PACSIN2: variants seen among roughly 807,000 people sequenced by gnomAD.
PACSIN2 encodes protein kinase C and casein kinase substrate in neurons 2, also known as protein kinase C and casein kinase substrate in neurons protein 2.
PACSIN2 carries 25 observed loss-of-function variants against 63.8 expected under a neutral mutation model. The observed-to-expected ratio is 0.39, with a 90% CI of 0.29 to 0.55. PACSIN2 has a LOEUF of 0.55. Ranked by LOEUF, PACSIN2 falls within the 20% of genes least tolerant of loss-of-function variation. The pLI is 0.62. For missense variants in PACSIN2, 518 were observed against 646.9 expected (o/e 0.80, Z 2.16); for synonymous variants, 255 against 256.2 (o/e 1.00, Z 0.05).
At chr22:42,952,306 AATTT>A (rs968202800) in intron 1 of PACSIN2, among the ~76,000 whole-genome samples, 10 of 152,026 alleles carry the variant, frequency 6.6e-5, no homozygotes, top group East Asian at 1.9e-4. Flanking sequence ...CTGTTGAAGA[AATTT>A]ATTTATTTAT....
chr22:43,009,702 G>C (rs1924326947), intron 1 of PACSIN2, among the ~76,000 whole-genome samples: 1 of 152,066 alleles, frequency 6.6e-6, no homozygotes, highest in Non-Finnish European at 1.5e-5. Context: ...TCATATTCTT[G>C]GGAGGAAAAA....
intron 1 of PACSIN2, among the ~76,000 whole-genome samples, chr22:42,984,234 A>G (rs955506719): frequency 1.3e-5 from 2 of 152,072 alleles, no homozygotes; most frequent in Non-Finnish European, 1.5e-5. Context: ...AGCCTCCCAC[A>G]GTGCTGGGAT....
chr22:42,979,743 T>C (rs1035508078), intron 1 of PACSIN2, among the ~76,000 whole-genome samples: 5 of 152,144 alleles, frequency 3.3e-5, no homozygotes, highest in South Asian at 2.1e-4. Flanking sequence ...AACACAGACA[T>C]TGCCTCCTCT....
chr22:42,974,409 A>G (rs1057166305), intron 1 of PACSIN2, among the ~76,000 whole-genome samples: 5 of 152,068 alleles, frequency 3.3e-5, no homozygotes, highest in African/African-American at 7.2e-5. Flanking sequence ...CATTCCCTCA[A>G]TGCTCCTGGT....
intron 1 of PACSIN2, among the ~76,000 whole-genome samples, chr22:42,980,022 G>C (rs1921973161): frequency 6.7e-6 from 1 of 149,388 alleles, no homozygotes; most frequent in Admixed American, 6.6e-5. Flanking sequence ...GCGCATCATT[G>C]TTTCCATTAA....
rs567195732 is a variant in PACSIN2, at chr22:42,876,935, G to A, written c.1104C>T (p.Asp368=). The A allele has an allele frequency of 8.1e-5, 130 of 1,614,140 alleles. No individual in the cohort carries two copies. In the South Asian group the frequency reaches 8.9e-4, roughly 11 times the overall value. ...TCTCACTGACGGTGCTGCCCGTGTC[G>A]TCCTCATCCTCGAAGGGGTTGTAGC... ...QSSYNPFEDE[D]DTGSTVSEKD... is the part of the protein sequence containing the mutation. Residue 368 remains aspartate (D), a synonymous_variant, in exon 9 of 11, where the codon GAC becomes GAT. Coordinates refer to ENST00000263246, the MANE Select transcript of PACSIN2 (RefSeq NM_001184970.3).
At chr22:42,992,112 T>G (rs1601611171) in intron 1 of PACSIN2, among the ~76,000 whole-genome samples, 1 of 152,224 alleles carries the variant, frequency 6.6e-6, no homozygotes, top group East Asian at 1.9e-4. Context: ...ATTATGTAAT[T>G]GATCAAGGAA....
chr22:43,010,014 C>T (rs1375848830), intron 1 of PACSIN2, among the ~76,000 whole-genome samples: 5 of 151,250 alleles, frequency 3.3e-5, no homozygotes, highest in African/African-American at 9.7e-5. Flanking sequence ...AGATTATAGG[C>T]GCACGCCACC....
intron 1 of PACSIN2, among the ~76,000 whole-genome samples, chr22:43,014,362 ACACCACCCCCCCC>A (rs1300256242): frequency 0.011 from 126 of 11,402 alleles, 3 homozygotes; most frequent in African/African-American, 0.057. Flanking sequence ...AGACACACAC[ACACCACCCCCCCC>A]CCCCCGGGAC....
intron 1 of PACSIN2, among the ~76,000 whole-genome samples, chr22:42,993,085 A>G (rs1923155418): frequency 6.6e-6 from 1 of 151,990 alleles, no homozygotes; most frequent in Admixed American, 6.6e-5. Flanking sequence ...GAAGCAGGAG[A>G]ATCACTTCAA....
At chr22:42,960,839 T>C (rs1331043394) in intron 1 of PACSIN2, among the ~76,000 whole-genome samples, 2 of 152,222 alleles carry the variant, frequency 1.3e-5, no homozygotes, top group Middle Eastern at 3.2e-3. Flanking sequence ...ACTTTAGGTA[T>C]GCATATTATT....
At chr22:42,933,086 C>T (rs896253221) in intron 1 of PACSIN2, among the ~76,000 whole-genome samples, 1 of 152,192 alleles carries the variant, frequency 6.6e-6, no homozygotes, top group Non-Finnish European at 1.5e-5. Flanking sequence ...AAGCCAAGTT[C>T]CCATAATTAA....
intron 1 of PACSIN2, among the ~76,000 whole-genome samples, chr22:42,959,102 G>A (rs533684248): frequency 5.3e-5 from 8 of 152,198 alleles, no homozygotes; most frequent in Non-Finnish European, 1.2e-4. Context: ...CAGCTGGGAT[G>A]AGAAATGAGA....
At chr22:42,980,010 A>G (rs137925469) in intron 1 of PACSIN2, among the ~76,000 whole-genome samples, 247 of 152,244 alleles carry the variant, frequency 1.6e-3, no homozygotes, top group African/African-American at 5.5e-3. Flanking sequence ...CCTATGAAAT[A>G]AGCGCATCAT....
At chr22:42,876,812 G>A in intron 9 of PACSIN2, 76 bp downstream of exon 9, 2 of 1,575,492 alleles carry the variant, frequency 1.3e-6, no homozygotes, top group Admixed American at 1.7e-5. Flanking sequence ...GCCGAGGGGT[G>A]AGACCCCTGG....
chr22:42,974,745 T>C (rs1396161307), intron 1 of PACSIN2, among the ~76,000 whole-genome samples: 3 of 123,022 alleles, frequency 2.4e-5, no homozygotes, highest in East Asian at 4.4e-4. Context: ...TGAGATCTTG[T>C]CTCAAAAAAA....
intron 1 of PACSIN2, among the ~76,000 whole-genome samples, chr22:42,972,536 A>ACC (rs1035032064): frequency 5.3e-5 from 8 of 152,012 alleles, no homozygotes; most frequent in Admixed American, 2.6e-4. Flanking sequence ...ATTTTAAACC[A>ACC]CCACCATTTT....
chr22:42,907,726 C>T (rs982688471), intron 2 of PACSIN2, among the ~76,000 whole-genome samples: 2 of 152,284 alleles, frequency 1.3e-5, no homozygotes, highest in Non-Finnish European at 2.9e-5. Context: ...CTCCTAACTG[C>T]TCTCCATACA....
At chr22:42,874,108 T>C (rs986063607) in intron 10 of PACSIN2, among the ~76,000 whole-genome samples, 2 of 152,006 alleles carry the variant, frequency 1.3e-5, no homozygotes, top group South Asian at 2.1e-4. Context: ...ACTTTTCAAA[T>C]TGAAGATGTG....
Sources: gnomAD v4.1 joint callset for allele counts (sites outside exome capture counted in the v4.1 genomes callset) on GRCh38, gnomAD v4.1.1 for gene constraint, MANE v1.5 for transcripts, NCBI Gene and HGNC (gene_info 2026-07-23, HGNC 2026-07-21) for gene names.